PITPNC1: variants seen among roughly 807,000 people sequenced by gnomAD.
PITPNC1 encodes phosphatidylinositol transfer protein cytoplasmic 1.
In PITPNC1, 18 loss-of-function variants were observed where a neutral mutation model predicts 44.7. The ratio of observed to expected loss-of-function variants is 0.40; its 90% CI spans 0.28 to 0.60. The LOEUF is 0.60. Ranked by LOEUF, PITPNC1 falls within the 20% of genes least tolerant of loss-of-function variation. The pLI is 0.39. For synonymous variants in PITPNC1, 141 were observed against 149.6 expected, an observed-to-expected ratio of 0.94 and a Z score of 0.42; for missense variants, 290 against 418.4, an observed-to-expected ratio of 0.69 and a Z score of 2.68.
intron 6 of PITPNC1, among the ~76,000 whole-genome samples, chr17:67,642,275 G>A (rs146423900): frequency 1.3e-4 from 20 of 152,232 alleles, no homozygotes; most frequent in Non-Finnish European, 1.9e-4. Flanking sequence ...AAAAAATTCC[G>A]TTGGCCAAGA....
intron 1 of PITPNC1, among the ~76,000 whole-genome samples, chr17:67,383,209 C>T (rs920430023): frequency 6.6e-6 from 1 of 152,128 alleles, no homozygotes; most frequent in Non-Finnish European, 1.5e-5. Flanking sequence ...GTTGGTCAGG[C>T]TGGTCTCGAA....
chr17:67,572,872 A>C (rs2041082120), intron 4 of PITPNC1, among the ~76,000 whole-genome samples: 1 of 152,108 alleles, frequency 6.6e-6, no homozygotes, highest in African/African-American at 2.4e-5. Flanking sequence ...AGAAGAGAGC[A>C]CAGAGACCCA....
At chr17:67,575,787 TTTC>T (rs2041133746) in intron 4 of PITPNC1, among the ~76,000 whole-genome samples, 5 of 91,450 alleles carry the variant, frequency 5.5e-5, no homozygotes, top group Non-Finnish European at 7.2e-5. Flanking sequence ...CTTTCTTTTC[TTTC>T]TTTCCTTCTT....
At chr17:67,623,459 A>C (rs1355299622) in intron 5 of PITPNC1, among the ~76,000 whole-genome samples, 1 of 152,124 alleles carries the variant, frequency 6.6e-6, no homozygotes, top group African/African-American at 2.4e-5. Context: ...GGCTCACTGC[A>C]ATCTCCACCT....
intron 5 of PITPNC1, among the ~76,000 whole-genome samples, chr17:67,631,173 C>A (rs1031216547): frequency 1.3e-5 from 2 of 150,804 alleles, no homozygotes; most frequent in South Asian, 2.1e-4. Context: ...TCTTACCAAG[C>A]TTTACCTTGT....
rs965433488 is a variant in PITPNC1, at chr17:67,597,635, C to A, written c.366+19378C>A. Among the ~76,000 whole-genome samples, 20 of 152,112 alleles carry A rather than the reference C, an allele frequency of 1.3e-4. 1 individual carries two copies. Among genetic ancestry groups the A allele is most frequent in the Non-Finnish European group, 1.5e-5 (1 of 68,018 alleles). On this transcript the variant is annotated intron_variant, in intron 5 of 8. Transcript: ENST00000581322. The surrounding 1 kb of genome is among the most constrained non-coding windows in gnomAD (Gnocchi z 4.0). ...AGTTCCTAGTGGAAATTTGAGAAGTCCTTTATTTTACATTTAAAAGATAGG... is the reference window on the plus strand; with the variant it reads ...AGTTCCTAGTGGAAATTTGAGAAGTACTTTATTTTACATTTAAAAGATAGG...
intron 5 of PITPNC1, among the ~76,000 whole-genome samples, chr17:67,610,925 AAAAAAAAAAAG>A (rs1189835258): frequency 4.0e-5 from 6 of 151,724 alleles, no homozygotes; most frequent in African/African-American, 1.5e-4. Flanking sequence ...GTCTCAAAAA[AAAAAAAAAAAG>A]AAAAAGAAAA....
chr17:67,640,611 C>T (rs1215977836), intron 6 of PITPNC1, among the ~76,000 whole-genome samples: 3 of 144,456 alleles, frequency 2.1e-5, no homozygotes, highest in Admixed American at 7.3e-5. Flanking sequence ...ACCCAGGAGG[C>T]GAAGCTTGCA....
At chr17:67,522,519 CTT>C (rs1288030713) in intron 1 of PITPNC1, among the ~76,000 whole-genome samples, 2 of 151,976 alleles carry the variant, frequency 1.3e-5, no homozygotes, top group African/African-American at 4.8e-5. Context: ...TCATAATAAA[CTT>C]TAATAATTTT....
At chr17:67,645,461 G>A (rs1413468567) in intron 6 of PITPNC1, among the ~76,000 whole-genome samples, 1 of 152,214 alleles carries the variant, frequency 6.6e-6, no homozygotes, top group Non-Finnish European at 1.5e-5. Flanking sequence ...CTCAAGGGCT[G>A]CGGGAGCAAT....
At chr17:67,432,583 G>T (rs958243544) in intron 1 of PITPNC1, among the ~76,000 whole-genome samples, 3 of 151,968 alleles carry the variant, frequency 2.0e-5, no homozygotes, top group African/African-American at 4.8e-5. Flanking sequence ...ATAAATAAAG[G>T]TCCGTGTATA....
At chr17:67,476,048 G>A (rs1475564758) in intron 1 of PITPNC1, among the ~76,000 whole-genome samples, 1 of 152,158 alleles carries the variant, frequency 6.6e-6, no homozygotes, top group Admixed American at 6.5e-5. Flanking sequence ...ATAATATGAT[G>A]CAAAACAACT....
At chr17:67,659,290 G>C (rs2042310392) in intron 6 of PITPNC1, among the ~76,000 whole-genome samples, 1 of 152,174 alleles carries the variant, frequency 6.6e-6, no homozygotes, top group Non-Finnish European at 1.5e-5. Flanking sequence ...ACTGGGTTTA[G>C]CTGGCCAGAT....
intron 4 of PITPNC1, among the ~76,000 whole-genome samples, chr17:67,560,633 C>T (rs1337917047): frequency 6.6e-6 from 1 of 152,216 alleles, no homozygotes; most frequent in African/African-American, 2.4e-5. Context: ...CAGAGCTCGC[C>T]TCTACATCTC....
intron 5 of PITPNC1, among the ~76,000 whole-genome samples, chr17:67,618,660 G>A (rs2041791810): frequency 6.6e-6 from 1 of 151,990 alleles, no homozygotes; most frequent in South Asian, 2.1e-4. Flanking sequence ...ACTGAGGCAG[G>A]AGAATCACTT....
chr17:67,668,992 A>G (rs2042468902), intron 6 of PITPNC1, among the ~76,000 whole-genome samples: 1 of 152,240 alleles, frequency 6.6e-6, no homozygotes, highest in Non-Finnish European at 1.5e-5. Flanking sequence ...ACCACTGTCT[A>G]ATACCAGAAT....
chr17:67,403,507 AT>A (rs1348704420), intron 1 of PITPNC1, among the ~76,000 whole-genome samples: 1 of 152,204 alleles, frequency 6.6e-6, no homozygotes, highest in African/African-American at 2.4e-5. Context: ...CCGTGTGGAC[AT>A]TTATTTACCA....
intron 2 of PITPNC1, among the ~76,000 whole-genome samples, chr17:67,545,077 T>C (rs937096612): frequency 6.6e-6 from 1 of 151,892 alleles, no homozygotes; most frequent in Non-Finnish European, 1.5e-5. Flanking sequence ...TTTGGGAGGC[T>C]GAGGCAGGAG....
At chr17:67,615,936 G>A (rs1033259738) in intron 5 of PITPNC1, among the ~76,000 whole-genome samples, 1 of 152,128 alleles carries the variant, frequency 6.6e-6, no homozygotes, top group Non-Finnish European at 1.5e-5. Flanking sequence ...CTGCAGCCCA[G>A]AGGAGAATTC....
Sources: allele counts gnomAD v4.1 joint callset (sites outside exome capture counted in the v4.1 genomes callset), GRCh38; gene constraint gnomAD v4.1.1; non-coding constraint Gnocchi (gnomAD v3.1); transcripts MANE v1.5; gene names NCBI Gene and HGNC (gene_info 2026-07-23, HGNC 2026-07-21).